The following LAMA2 variants were observed in gnomAD, a reference collection of about 807,000 sequenced individuals.
LAMA2 encodes the protein laminin subunit alpha-2.
A neutral mutation model predicts 364.8 loss-of-function variants in LAMA2; 269 were observed. The ratio of observed to expected loss-of-function variants is 0.74; its 90% CI spans 0.67 to 0.82. The LOEUF (loss-of-function observed/expected upper bound fraction) is 0.82, where lower values mean the gene tolerates loss of function less well. Among genes scored for constraint, LAMA2 ranks in the 40% least tolerant of loss-of-function variants. The probability of loss-of-function intolerance (pLI) is 0.00; values close to 1 mark genes in which losing one functional copy is unlikely to be tolerated. For missense variants in LAMA2, 3,807 were observed against 3,873.2 expected (o/e 0.98, Z 0.45); for synonymous variants, 1,379 against 1,370.6 (o/e 1.01, Z -0.14).
intron 1 of LAMA2, among the ~76,000 whole-genome samples, chr6:129,035,788 G>A (rs564455243): frequency 2.0e-5 from 3 of 152,018 alleles, no homozygotes; most frequent in Admixed American, 6.6e-5. Flanking sequence ...ATTAGTTGTA[G>A]GAATATGGAT....
intron 58 of LAMA2, among the ~76,000 whole-genome samples, chr6:129,495,999 A>G (rs1785162907): frequency 6.6e-6 from 1 of 152,210 alleles, no homozygotes; most frequent in South Asian, 2.1e-4. Context: ...ACAGAACATT[A>G]GAGCTAGAAG....
At chr6:129,486,742 G>C in intron 56 of LAMA2, 120 bp downstream of exon 56, 1 of 919,796 alleles carries the variant, frequency 1.1e-6, no homozygotes, top group Non-Finnish European at 1.8e-6. Context: ...CATTGCAAAA[G>C]GATACCGTAG....
At chr6:128,911,274 C>G (rs539013463) in intron 1 of LAMA2, among the ~76,000 whole-genome samples, 33 of 152,278 alleles carry the variant, frequency 2.2e-4, no homozygotes, top group African/African-American at 7.5e-4. Flanking sequence ...GACTGCTGTG[C>G]TAGCAATCAG....
chr6:129,025,013 TA>T (rs1785708068), intron 1 of LAMA2, among the ~76,000 whole-genome samples: 1 of 152,198 alleles, frequency 6.6e-6, no homozygotes, highest in East Asian at 1.9e-4. Flanking sequence ...TCAGAAAATT[TA>T]AAAATTAACT....
chr6:129,457,403 A>T (rs964517689), intron 48 of LAMA2, among the ~76,000 whole-genome samples: 7 of 152,086 alleles, frequency 4.6e-5, no homozygotes, highest in Non-Finnish European at 7.4e-5. Flanking sequence ...AAATATAGGG[A>T]TAGCACACAG....
chr6:129,488,673 T>C (rs1427752585), intron 56 of LAMA2, among the ~76,000 whole-genome samples: 1 of 152,220 alleles, frequency 6.6e-6, no homozygotes, highest in Non-Finnish European at 1.5e-5. Context: ...GACATATTAG[T>C]GTGTAGTCAC....
At position 129,200,337 on chromosome 6, in the gene LAMA2, C is replaced by CGTGT. The variant is rs1353894142; in HGVS notation, c.1782+7484_1782+7485insGTGT. On this transcript the variant is annotated intron_variant, in intron 12 of 64. Transcript: ENST00000421865. ...ATATACGTGTACACATATACATATA[C>CGTGT]ACGTATATGTGTACACATATACATA... 7.5e-3 allele frequency among the ~76,000 whole-genome samples: 884 copies of CGTGT among 117,360 alleles called. 109 individuals carry two copies. Among genetic ancestry groups the CGTGT allele is most frequent in the Middle Eastern group, 0.01 (2 of 196 alleles). 77.0% of individuals were successfully genotyped at this position (117,360 alleles called of 152,430 possible).
chr6:129,221,973 C>T (rs896953253), intron 12 of LAMA2, among the ~76,000 whole-genome samples: 1 of 152,104 alleles, frequency 6.6e-6, no homozygotes, highest in Non-Finnish European at 1.5e-5. Flanking sequence ...TCTTTATAAG[C>T]AATAACATTT....
In LAMA2 at chr6:129,237,840, G is replaced by A. The variant is rs190922597; in HGVS notation, c.1783-12272G>A. ...ATAGAGTATATTATCAAACTTTTGGGTCTTTGGCAATCCAATGGGTGAAAA... is the reference window on the plus strand; with the variant it reads ...ATAGAGTATATTATCAAACTTTTGGATCTTTGGCAATCCAATGGGTGAAAA... On this transcript the variant is annotated intron_variant, in intron 12 of 64. Transcript: ENST00000421865. 2.5e-4 allele frequency among the ~76,000 whole-genome samples: 38 copies of A among 152,038 alleles called. No homozygotes were observed. In the East Asian group the frequency reaches 6.4e-3, roughly 26 times the overall value.
chr6:129,201,891 C>T (rs1782311811), intron 12 of LAMA2, among the ~76,000 whole-genome samples: 1 of 151,898 alleles, frequency 6.6e-6, no homozygotes, highest in African/African-American at 2.4e-5. Flanking sequence ...TAAAAGCAAT[C>T]AGAAAAAAAC....
intron 9 of LAMA2, among the ~76,000 whole-genome samples, chr6:129,166,213 C>A (rs9482992): frequency 0.019 from 2,944 of 152,172 alleles, 113 homozygotes; most frequent in African/African-American, 0.066. Context: ...TAAGCTAAAG[C>A]CTTCCTTTGA....
intron 12 of LAMA2, among the ~76,000 whole-genome samples, chr6:129,222,683 T>A (rs549306137): frequency 6.6e-6 from 1 of 152,208 alleles, no homozygotes; most frequent in Non-Finnish European, 1.5e-5. Context: ...CATCCTTTTT[T>A]ATGGCTGCAT....
intron 29 of LAMA2, among the ~76,000 whole-genome samples, chr6:129,334,584 G>A (rs546392584): frequency 4.6e-5 from 7 of 152,218 alleles, no homozygotes; most frequent in Admixed American, 6.5e-5. Context: ...CATGTCTAGC[G>A]CTATGCTAGA....
chr6:128,992,974 T>C (rs1468624167), intron 1 of LAMA2, among the ~76,000 whole-genome samples: 1 of 152,216 alleles, frequency 6.6e-6, no homozygotes, highest in Non-Finnish European at 1.5e-5. Context: ...TTAAAATAGC[T>C]GCATCTTTTA....
Position 129,158,559 on chromosome 6 carries a change from C to T in LAMA2, c.1206+3876C>T, listed in dbSNP as rs374238916. 177 of 1,614,066 alleles carry T rather than the reference C, an allele frequency of 1.1e-4. No homozygotes were observed. In the African/African-American group the frequency reaches 2.0e-3, roughly 18 times the overall value. On this transcript the variant is annotated intron_variant, in intron 8 of 64. Transcript: ENST00000421865. ...ATCCTGTTCCAAATCACGATTGTAACGACGTCTGCTTGAGATGCTCTTGCA... is the reference window on the plus strand; with the variant it reads ...ATCCTGTTCCAAATCACGATTGTAATGACGTCTGCTTGAGATGCTCTTGCA...
chr6:129,475,359 T>TG, intron 52 of LAMA2, 31 bp from the exon 53 acceptor site: 1 of 1,281,780 alleles, frequency 7.8e-7, no homozygotes, highest in Non-Finnish European at 1.1e-6. Flanking sequence ...TTTTTATTTT[T>TG]GTTTTTTTTT....
intron 41 of LAMA2, among the ~76,000 whole-genome samples, chr6:129,432,729 A>G (rs545741071): frequency 6.6e-6 from 1 of 152,350 alleles, no homozygotes; most frequent in South Asian, 2.1e-4. Context: ...CTGCAAGCCC[A>G]CAGTCACCAT....
At chr6:128,980,098 T>C (rs1402176535) in intron 1 of LAMA2, among the ~76,000 whole-genome samples, 6 of 152,210 alleles carry the variant, frequency 3.9e-5, no homozygotes, top group Non-Finnish European at 1.5e-5. Context: ...GGAATCATAA[T>C]TGCTGATATA....
intron 1 of LAMA2, among the ~76,000 whole-genome samples, chr6:128,997,022 A>T (rs1223230897): frequency 1.3e-5 from 2 of 152,052 alleles, no homozygotes. Flanking sequence ...AAACTAACAG[A>T]GGAACAGAAA....
Sources: allele counts gnomAD v4.1 joint callset (sites outside exome capture counted in the v4.1 genomes callset), GRCh38; gene constraint gnomAD v4.1.1; transcripts MANE v1.5; gene names NCBI Gene and HGNC (gene_info 2026-07-23, HGNC 2026-07-21).